Variants in SDK1 observed in about 807,000 individuals in gnomAD.
SDK1 encodes the protein sidekick cell adhesion molecule 1.
A neutral mutation model predicts 245.5 loss-of-function variants in SDK1; 157 were observed. That is an observed-to-expected ratio of 0.64 (90% CI 0.56 to 0.73). The LOEUF (loss-of-function observed/expected upper bound fraction) is 0.73. Among genes scored for constraint, SDK1 ranks in the 30% least tolerant of loss-of-function variants. The pLI, the probability that SDK1 is intolerant of heterozygous loss-of-function variation, is 0.00. For synonymous variants in SDK1, 1,647 were observed against 1,278.5 expected, an observed-to-expected ratio of 1.29 and a Z score of -6.15; for missense variants, 3,583 against 3,002.3, an observed-to-expected ratio of 1.19 and a Z score of -4.52.
chr7:4,162,767 C>T (rs1481413566), intron 32 of SDK1, among the ~76,000 whole-genome samples: 1 of 152,218 alleles, frequency 6.6e-6, no homozygotes, highest in Admixed American at 6.5e-5. Flanking sequence ...GATAATCACA[C>T]ACTCCTTGTT....
At chr7:4,085,463 G>C (rs970034614) in intron 22 of SDK1, among the ~76,000 whole-genome samples, 24 of 152,024 alleles carry the variant, frequency 1.6e-4, no homozygotes, top group Non-Finnish European at 2.8e-4. Flanking sequence ...TGGTTATCTC[G>C]ATACAGATTT....
chr7:3,840,360 A>T (rs572383004), intron 5 of SDK1, among the ~76,000 whole-genome samples: 1 of 152,240 alleles, frequency 6.6e-6, no homozygotes, highest in Admixed American at 6.5e-5. Context: ...AATATCTAAC[A>T]CTGTTTTTTC....
intron 4 of SDK1, among the ~76,000 whole-genome samples, chr7:3,774,152 T>G (rs1459214667): frequency 2.0e-5 from 3 of 149,698 alleles, no homozygotes; most frequent in African/African-American, 7.4e-5. Context: ...GAGGCGGAGG[T>G]TGCAGTGAGC....
At position 3,912,935 on chromosome 7, in the gene SDK1, T is replaced by C. The variant is rs952824216; in HGVS notation, c.848-37988T>C. Among the ~76,000 whole-genome samples, 6 of 152,216 alleles carry C rather than the reference T, an allele frequency of 3.9e-5. No homozygotes were observed. The East Asian group carries it at 5.8e-4, about 15-fold the overall frequency. ...CACGAGATGCAAGTCACAGTTTTCATGTAAGGGCTCAAAGCAACCGTGGAG... is the reference window on the plus strand; with the variant it reads ...CACGAGATGCAAGTCACAGTTTTCACGTAAGGGCTCAAAGCAACCGTGGAG... On this transcript the variant is annotated intron_variant, in intron 5 of 44. Coordinates refer to ENST00000404826, the MANE Select transcript of SDK1 (RefSeq NM_152744.4).
chr7:3,916,627 C>G (rs557853755), intron 5 of SDK1, among the ~76,000 whole-genome samples: 1 of 152,310 alleles, frequency 6.6e-6, no homozygotes, highest in African/African-American at 2.4e-5. Context: ...GGAATTATTT[C>G]TGTTTGCCTG....
chr7:4,199,528 AC>A (rs1363328002), intron 35 of SDK1, among the ~76,000 whole-genome samples: 1 of 152,194 alleles, frequency 6.6e-6, no homozygotes, highest in Non-Finnish European at 1.5e-5. Context: ...TATCTGTAGG[AC>A]AAATATGTTT....
At chr7:3,504,182 A>ATGTGTG (rs56306302) in intron 1 of SDK1, among the ~76,000 whole-genome samples, 6,205 of 131,892 alleles carry the variant, frequency 0.047, 178 homozygotes, top group East Asian at 0.12. Context: ...ATATATATAT[A>ATGTGTG]TGTGTGTGTG....
At chr7:3,987,097 A>G in intron 13 of SDK1, 89 bp from the exon 14 acceptor site, 2 of 1,305,362 alleles carry the variant, frequency 1.5e-6, no homozygotes, top group Non-Finnish European at 2.2e-6. Flanking sequence ...AACATGACAC[A>G]GCAGGACGGT....
intron 1 of SDK1, among the ~76,000 whole-genome samples, chr7:3,548,080 A>G (rs749651107): frequency 1.3e-5 from 2 of 152,216 alleles, no homozygotes; most frequent in Non-Finnish European, 2.9e-5. Context: ...GTGTAGGGCA[A>G]CTGTAAAACA....
chr7:3,648,100 G>T (rs1023029789), intron 4 of SDK1, among the ~76,000 whole-genome samples: 5 of 152,120 alleles, frequency 3.3e-5, no homozygotes, highest in Non-Finnish European at 7.3e-5. Context: ...GATGAGCTTA[G>T]CTTTGTCATA....
intron 22 of SDK1, among the ~76,000 whole-genome samples, chr7:4,105,943 G>C (rs1411982966): frequency 6.6e-6 from 1 of 152,146 alleles, no homozygotes; most frequent in African/African-American, 2.4e-5. Flanking sequence ...GAGCCTAATG[G>C]AGCCATGTGG....
At chr7:3,629,759 A>T (rs1782234113) in intron 2 of SDK1, among the ~76,000 whole-genome samples, 1 of 152,264 alleles carries the variant, frequency 6.6e-6, no homozygotes, top group South Asian at 2.1e-4. Context: ...GAAAATTCAC[A>T]GTGTCTAGAA....
Position 3,761,204 on chromosome 7 carries a change from T to G in SDK1, c.714-60246T>G, listed in dbSNP as rs186833655. Among the ~76,000 whole-genome samples, 32 of 152,156 alleles carry G rather than the reference T, an allele frequency of 2.1e-4. No homozygotes were observed. The East Asian group carries it at 5.0e-3, about 24-fold the overall frequency. On this transcript the variant is annotated intron_variant, in intron 4 of 44. Coordinates refer to ENST00000404826, the MANE Select transcript of SDK1 (RefSeq NM_152744.4). The stretch of plus-strand genomic sequence containing the variant: ...CATAGAGCTTTTTAAGTTGACTGAT[T>G]TTTTTCTAATTTCATTGAAAAATCC...
At chr7:4,231,312 C>G (rs1467416394) in intron 40 of SDK1, among the ~76,000 whole-genome samples, 2 of 151,884 alleles carry the variant, frequency 1.3e-5, no homozygotes, top group Non-Finnish European at 2.9e-5. Flanking sequence ...GCCTATAATT[C>G]CAGCACTTTG....
At chr7:3,757,949 C>G (rs927299632) in intron 4 of SDK1, among the ~76,000 whole-genome samples, 10 of 152,124 alleles carry the variant, frequency 6.6e-5, no homozygotes, top group Non-Finnish European at 1.0e-4. Context: ...GAACAAAAGA[C>G]TCCTATAACC....
rs148101694 is a variant in SDK1, at chr7:3,962,768, G to A, written c.1346G>A (p.Arg449His). ...ASGGLRIQKLRPEDSGIFQCF... is the reference protein window; with the variant it reads ...ASGGLRIQKLHPEDSGIFQCF... ...GGAGGCCTGCGCATCCAGAAGCTGC[G>A]TCCAGAGGACTCCGGAATCTTCCAG... Residue 449 changes from arginine (R) to histidine (H), a missense_variant, in exon 9 of 45, where the codon CGT (arginine) becomes CAT (histidine). Arg to His is a conservative substitution (Grantham distance 29, BLOSUM62 0). Transcript: ENST00000404826. 26 of 1,613,596 alleles carry A rather than the reference G, an allele frequency of 1.6e-5. No homozygotes were observed. Among genetic ancestry groups the A allele is most frequent in the African/African-American group, 9.3e-5 (7 of 74,902 alleles).
intron 4 of SDK1, among the ~76,000 whole-genome samples, chr7:3,685,541 G>A (rs1249918080): frequency 1.3e-5 from 2 of 152,116 alleles, no homozygotes; most frequent in African/African-American, 4.8e-5. Context: ...AGAAAAATAG[G>A]GGCAAATATA....
At chr7:4,244,637 G>T (rs548762400) in intron 43 of SDK1, among the ~76,000 whole-genome samples, 8 of 152,200 alleles carry the variant, frequency 5.3e-5, no homozygotes, top group African/African-American at 1.4e-4. Context: ...GCACCACGCG[G>T]TCTCCCTGGG....
chr7:3,333,872 G>T (rs893651884), intron 1 of SDK1, among the ~76,000 whole-genome samples: 3 of 152,204 alleles, frequency 2.0e-5, no homozygotes, highest in Non-Finnish European at 4.4e-5. Context: ...TCCCAAGGCT[G>T]CCCTGTGGAA....
Sources: gnomAD v4.1 joint callset for allele counts (sites outside exome capture counted in the v4.1 genomes callset) on GRCh38, gnomAD v4.1.1 for gene constraint, MANE v1.5 for transcripts, NCBI Gene and HGNC (gene_info 2026-07-23, HGNC 2026-07-21) for gene names.